The following TTLL5 variants were observed in gnomAD, a reference collection of about 807,000 sequenced individuals.
TTLL5 encodes tubulin tyrosine ligase like 5, also known as tubulin polyglutamylase TTLL5.
Under a neutral mutation model 168.4 loss-of-function variants are expected in TTLL5, and 132 were observed. That is an observed-to-expected ratio of 0.78 (90% CI 0.68 to 0.91). The LOEUF (loss-of-function observed/expected upper bound fraction) is 0.91. Ranked by LOEUF, TTLL5 falls within the 40% of genes least tolerant of loss-of-function variation. The pLI is 0.00. For synonymous variants in TTLL5, 546 were observed against 558.6 expected, an observed-to-expected ratio of 0.98 and a Z score of 0.32; for missense variants, 1,545 against 1,581.5, an observed-to-expected ratio of 0.98 and a Z score of 0.39.
At chr14:75,827,084 A>G (rs767727184) in intron 28 of TTLL5, among the ~76,000 whole-genome samples, 1 of 152,228 alleles carries the variant, frequency 6.6e-6, no homozygotes, top group Non-Finnish European at 1.5e-5. Flanking sequence ...ATAGAACTAT[A>G]TATCTGCAAA....
At position 75,818,028 on chromosome 14, in the gene TTLL5, C is replaced by T. The variant is rs567587755; in HGVS notation, c.3172-1979C>T. On this transcript the variant is annotated intron_variant, in intron 27 of 31. Coordinates refer to ENST00000298832, the MANE Select transcript of TTLL5 (RefSeq NM_015072.5). Reference sequence around the variant, plus strand: ...AATTTTTTTGTATTTTTAGTAGAGACGGGGTTTCACCATGTTAGCCAGGAT... The same window carrying T: ...AATTTTTTTGTATTTTTAGTAGAGATGGGGTTTCACCATGTTAGCCAGGAT... 7.9e-5 allele frequency among the ~76,000 whole-genome samples: 12 copies of T among 151,038 alleles called. No homozygotes were observed. The South Asian group carries it at 1.9e-3, about 24-fold the overall frequency.
chr14:75,686,008 A>G (rs1885019057), intron 5 of TTLL5, among the ~76,000 whole-genome samples: 1 of 152,224 alleles, frequency 6.6e-6, no homozygotes, highest in African/African-American at 2.4e-5. Context: ...ATACACTAAA[A>G]ATTGAGTACC....
intron 26 of TTLL5, among the ~76,000 whole-genome samples, chr14:75,789,943 C>T (rs896033656): frequency 1.3e-5 from 2 of 151,950 alleles, no homozygotes; most frequent in African/African-American, 4.8e-5. Context: ...TGGAGGAGCA[C>T]CTTATTAATA....
intron 12 of TTLL5, among the ~76,000 whole-genome samples, chr14:75,728,328 C>CAATG (rs1888315869): frequency 1.4e-5 from 2 of 148,056 alleles, no homozygotes; most frequent in South Asian, 4.3e-4. Flanking sequence ...TGCACTCTAG[C>CAATG]CTGGGAGACA....
intron 28 of TTLL5, chr14:75,820,488 G>T (rs987907316): frequency 1.1e-5 from 2 of 184,354 alleles, no homozygotes; most frequent in East Asian, 1.3e-4. Flanking sequence ...TTGTCTCTTA[G>T]TTTTTTTTTT....
At chr14:75,844,745 ACACT>A (rs1279653871) in intron 28 of TTLL5, among the ~76,000 whole-genome samples, 2 of 152,244 alleles carry the variant, frequency 1.3e-5, no homozygotes, top group Admixed American at 6.5e-5. Context: ...ACTCTAAGCC[ACACT>A]CACTCATGCC....
At chr14:75,791,221 G>A (rs1892701095) in intron 26 of TTLL5, among the ~76,000 whole-genome samples, 5 of 151,878 alleles carry the variant, frequency 3.3e-5, no homozygotes, top group South Asian at 2.1e-4. Flanking sequence ...TTTTCTATAC[G>A]TGTGCCAGCA....
rs148388203 is a variant in TTLL5 at position 75,835,067 on chromosome 14, C to CCAAA, written c.3326+14931_3326+14934dup. Among the ~76,000 whole-genome samples, 678 of 152,094 alleles carry CCAAA rather than the reference C, an allele frequency of 4.5e-3. 7 individuals carry two copies. Among genetic ancestry groups the CCAAA allele is most frequent in the South Asian group, 0.036 (174 of 4,802 alleles). Reference sequence around the variant, plus strand: ...TGGGCAACAGAGTGAGACCCTGTCTCCAAACAAACAAACAAACAAACAAAC... The same window carrying CCAAA: ...TGGGCAACAGAGTGAGACCCTGTCTCCAAACAAACAAACAAACAAACAAACAAAC... On this transcript the variant is annotated intron_variant, in intron 28 of 31. Coordinates refer to ENST00000298832, the MANE Select transcript of TTLL5 (RefSeq NM_015072.5).
At chr14:75,951,309 A>G (rs2034954222) in intron 31 of TTLL5, among the ~76,000 whole-genome samples, 1 of 152,026 alleles carries the variant, frequency 6.6e-6, no homozygotes, top group Non-Finnish European at 1.5e-5. Context: ...TGATCATGCC[A>G]CTGCACTCCA....
intron 12 of TTLL5, among the ~76,000 whole-genome samples, chr14:75,724,184 G>C (rs1349866383): frequency 1.3e-5 from 2 of 152,090 alleles, no homozygotes; most frequent in Non-Finnish European, 1.5e-5. Flanking sequence ...ATGGATCTCT[G>C]CCAGGGGCAT....
intron 31 of TTLL5, among the ~76,000 whole-genome samples, chr14:75,925,451 C>T (rs908397828): frequency 7.4e-6 from 1 of 134,306 alleles, no homozygotes. Context: ...ACATCCCAGA[C>T]GGGGCGGCGG....
chr14:75,768,790 T>G (rs1891110587), intron 20 of TTLL5, among the ~76,000 whole-genome samples: 1 of 152,140 alleles, frequency 6.6e-6, no homozygotes, highest in Non-Finnish European at 1.5e-5. Flanking sequence ...AGGGTGACAT[T>G]GGAGTAGCAG....
intron 23 of TTLL5, among the ~76,000 whole-genome samples, chr14:75,777,932 A>T (rs1415076167): frequency 6.6e-6 from 1 of 152,026 alleles, no homozygotes; most frequent in Non-Finnish European, 1.5e-5. Context: ...AAACAGGTAT[A>T]GTAACAGCTT....
intron 28 of TTLL5, among the ~76,000 whole-genome samples, chr14:75,841,219 G>A (rs1397354006): frequency 2.6e-5 from 4 of 152,116 alleles, no homozygotes; most frequent in Non-Finnish European, 4.4e-5. Flanking sequence ...CAGCCAAACC[G>A]TATCACCTTC....
chr14:75,818,342 A>G (rs1353941718), intron 27 of TTLL5, among the ~76,000 whole-genome samples: 1 of 152,168 alleles, frequency 6.6e-6, no homozygotes, highest in East Asian at 1.9e-4. Context: ...TCTAGTCTTC[A>G]GGAATGTCTT....
At chr14:75,757,148 T>G (rs1159326251) in intron 18 of TTLL5, among the ~76,000 whole-genome samples, 4 of 152,136 alleles carry the variant, frequency 2.6e-5, no homozygotes, top group Non-Finnish European at 4.4e-5. Flanking sequence ...TGGCTGATTT[T>G]CTGTATTTTA....
At chr14:75,914,033 A>AAATATATATAT in intron 31 of TTLL5, among the ~76,000 whole-genome samples, 1 of 71,102 alleles carries the variant, frequency 1.4e-5, no homozygotes, top group African/African-American at 1.5e-4. Flanking sequence ...AAAAAAAAAA[A>AAATATATATAT]ATATATATAT....
chr14:75,939,062 C>T (rs929820499), intron 31 of TTLL5, among the ~76,000 whole-genome samples: 2 of 152,166 alleles, frequency 1.3e-5, no homozygotes, highest in African/African-American at 4.8e-5. Flanking sequence ...GTTATTTGAA[C>T]TCAATTGTGG....
At chr14:75,843,838 C>T (rs1213871118) in intron 28 of TTLL5, among the ~76,000 whole-genome samples, 5 of 128,514 alleles carry the variant, frequency 3.9e-5, no homozygotes, top group Admixed American at 3.8e-4. Context: ...TTTATAGTTT[C>T]TCATTTTATA....
Sources: allele counts gnomAD v4.1 joint callset (sites outside exome capture counted in the v4.1 genomes callset), GRCh38; gene constraint gnomAD v4.1.1; transcripts MANE v1.5; gene names NCBI Gene and HGNC (gene_info 2026-07-23, HGNC 2026-07-21).